ITGA4: variants seen among roughly 807,000 people sequenced by gnomAD.
ITGA4 encodes integrin alpha-4.
Under a neutral mutation model 133.6 loss-of-function variants are expected in ITGA4, and 63 were observed. The observed-to-expected ratio is 0.47, with a 90% CI of 0.38 to 0.58. The LOEUF (loss-of-function observed/expected upper bound fraction) is 0.58, where lower values mean the gene tolerates loss of function less well. Among genes scored for constraint, ITGA4 ranks in the 20% least tolerant of loss-of-function variants. The probability of loss-of-function intolerance (pLI) is 0.00; values close to 1 mark genes in which losing one functional copy is unlikely to be tolerated. For synonymous variants in ITGA4, 483 were observed against 438.0 expected (o/e 1.10, Z -1.28); for missense variants, 1,076 against 1,252.7 (o/e 0.86, Z 2.13).
chr2:181,500,868 G>GA (rs1384268702), intron 15 of ITGA4, among the ~76,000 whole-genome samples: 9 of 151,892 alleles, frequency 5.9e-5, no homozygotes, highest in Non-Finnish European at 1.2e-4. Context: ...ACTGGGGTGA[G>GA]AAAAAAATAA....
Position 181,537,162 on chromosome 2 carries a change from T to C in ITGA4, c.*1635T>C, listed in dbSNP as rs1188628866. 1 of 453,968 alleles carries C rather than the reference T, an allele frequency of 2.2e-6. No individual in the cohort carries two copies. 28.1% of individuals were successfully genotyped at this position (453,968 alleles called of 1,614,324 possible). On this transcript the variant is annotated 3_prime_UTR_variant, in exon 28 of 28. Coordinates refer to ENST00000397033, the MANE Select transcript of ITGA4 (RefSeq NM_000885.6). ...ATCGTTATAAAAAGGCTAGTCATTC[T>C]TTCAGGAGAACATCTAGGATCATAG...
intron 21 of ITGA4, among the ~76,000 whole-genome samples, chr2:181,526,233 T>C (rs564554930): frequency 6.6e-6 from 1 of 152,330 alleles, no homozygotes; most frequent in Non-Finnish European, 1.5e-5. Flanking sequence ...TCAGTGTTTA[T>C]CTTGCCACTC....
At chr2:181,519,063 A>G (rs931747896) in intron 17 of ITGA4, among the ~76,000 whole-genome samples, 15 of 152,098 alleles carry the variant, frequency 9.9e-5, no homozygotes, top group African/African-American at 3.1e-4. Flanking sequence ...GAAATTGTCA[A>G]AAGTCCCATG....
intron 17 of ITGA4, among the ~76,000 whole-genome samples, chr2:181,517,888 A>G (rs2105761980): frequency 6.6e-6 from 1 of 152,172 alleles, no homozygotes; most frequent in South Asian, 2.1e-4. Flanking sequence ...CTTCTTTCCC[A>G]AAGGTGTTCA....
At chr2:181,498,550 T>A in intron 14 of ITGA4, 73 bp from the exon 15 acceptor site, 1 of 911,674 alleles carries the variant, frequency 1.1e-6, no homozygotes, top group Non-Finnish European at 1.7e-6. Flanking sequence ...TAACTTTAAC[T>A]ATTATCACTT....
intron 4 of ITGA4, among the ~76,000 whole-genome samples, chr2:181,476,552 C>A (rs1391597783): frequency 6.6e-6 from 1 of 152,096 alleles, no homozygotes; most frequent in East Asian, 1.9e-4. Flanking sequence ...CAAAGCTTTG[C>A]CCCCTTAGAA....
In ITGA4 at chr2:181,535,616, T is replaced by G; in HGVS notation, c.*89T>G. 4.1e-6 allele frequency: 6 copies of G among 1,460,084 alleles called. No individual in the cohort carries two copies. Among genetic ancestry groups the G allele is most frequent in the Non-Finnish European group, 5.5e-6 (6 of 1,097,390 alleles). 90.4% of individuals were successfully genotyped at this position (1,460,084 alleles called of 1,614,324 possible). A position where few individuals can be genotyped will look rare whatever the true frequency, so the allele number is the denominator to read the frequency against. On this transcript the variant is annotated 3_prime_UTR_variant, in exon 28 of 28. Coordinates refer to ENST00000397033, the MANE Select transcript of ITGA4 (RefSeq NM_000885.6). Reference sequence around the variant, plus strand: ...CACTGTTTACAAGAAAAAATGAATTTTGTTTGGACTTCTTTTACTCATGAT... The same window carrying G: ...CACTGTTTACAAGAAAAAATGAATTGTGTTTGGACTTCTTTTACTCATGAT...
chr2:181,504,391 C>T lies in ITGA4; in HGVS notation c.1696-5267C>T, dbSNP rs190334451. On this transcript the variant is annotated intron_variant, in intron 15 of 27. Coordinates refer to ENST00000397033, the MANE Select transcript of ITGA4 (RefSeq NM_000885.6). ...TTTTTCCATAGTAGTTTCAGGAAAACGTGTATTTGATTAGTAAATACATTT... is the reference window on the plus strand; with the variant it reads ...TTTTTCCATAGTAGTTTCAGGAAAATGTGTATTTGATTAGTAAATACATTT... Among the ~76,000 whole-genome samples the T allele has an allele frequency of 3.8e-4, 58 of 152,094 alleles. 1 individual carries two copies. The East Asian group carries it at 9.1e-3, about 24-fold the overall frequency.
chr2:181,531,360 C>G (rs189688542), intron 24 of ITGA4, among the ~76,000 whole-genome samples: 6 of 152,184 alleles, frequency 3.9e-5, no homozygotes, highest in African/African-American at 1.4e-4. Context: ...CGTAACTTAG[C>G]AAGACTCTGA....
At chr2:181,473,051 A>G (rs1685592982) in intron 2 of ITGA4, among the ~76,000 whole-genome samples, 1 of 152,164 alleles carries the variant, frequency 6.6e-6, no homozygotes, top group Admixed American at 6.5e-5. Flanking sequence ...GGGGGTTGCC[A>G]TTTATTCTAT....
chr2:181,487,986 CTA>C (rs1298091852), intron 10 of ITGA4, among the ~76,000 whole-genome samples: 1 of 152,132 alleles, frequency 6.6e-6, no homozygotes, highest in African/African-American at 2.4e-5. Flanking sequence ...CTTATTTTGT[CTA>C]TGATTTCTCT....
Position 181,534,259 on chromosome 2 carries a change from T to TGG in ITGA4, c.2785-13_2785-12insGG. 2.0e-6 allele frequency: 3 copies of TGG among 1,527,180 alleles called. No homozygotes were observed. Among genetic ancestry groups the TGG allele is most frequent in the Non-Finnish European group, 2.7e-6 (3 of 1,101,594 alleles). 94.6% of individuals were successfully genotyped at this position (1,527,180 alleles called of 1,614,324 possible). A position where few individuals can be genotyped will look rare whatever the true frequency, so the allele number is the denominator to read the frequency against. On this transcript the variant is annotated splice_polypyrimidine_tract_variant and intron_variant, in intron 25 of 27. Coordinates refer to ENST00000397033, the MANE Select transcript of ITGA4 (RefSeq NM_000885.6). Reference sequence around the variant, plus strand: ...ATAAACCAGGCTATGGTGATCCTTCTTTTATTAAACAGGATGAGACTTCAG... The same window carrying TGG: ...ATAAACCAGGCTATGGTGATCCTTCTGGTTTATTAAACAGGATGAGACTTCAG...
intron 2 of ITGA4, among the ~76,000 whole-genome samples, chr2:181,461,227 T>A (rs1340356466): frequency 6.8e-6 from 1 of 147,488 alleles, no homozygotes; most frequent in Non-Finnish European, 1.5e-5. Context: ...GTGAGAGACG[T>A]TAGGCATGAG....
At position 181,536,543 on chromosome 2, in the gene ITGA4, C is replaced by CTTTACAAGTATAAGTG. The variant is rs145274040; in HGVS notation, c.*1019_*1034dup. 0.59 allele frequency: 92,284 copies of CTTTACAAGTATAAGTG among 156,598 alleles called. 27,688 individuals carry two copies. The highest frequency in any genetic ancestry group is 0.82 in the South Asian group (4,275 of 5,210). The allele number at this position is 156,598 out of a possible 1,614,324, so 9.7% of individuals were successfully genotyped here. The stretch of plus-strand genomic sequence containing the variant: ...TCCTTGGATGTAATTCTTTGTTACC[C>CTTTACAAGTATAAGTG]TTTACAAGTATAAGTGTTACCTTAC... On this transcript the variant is annotated 3_prime_UTR_variant, in exon 28 of 28. Coordinates refer to ENST00000397033, the MANE Select transcript of ITGA4 (RefSeq NM_000885.6).
At chr2:181,493,748 G>A (rs542301546) in intron 11 of ITGA4, among the ~76,000 whole-genome samples, 3 of 152,174 alleles carry the variant, frequency 2.0e-5, no homozygotes, top group Non-Finnish European at 4.4e-5. Flanking sequence ...GATTAACTGT[G>A]TCTTGGCCTT....
At chr2:181,522,588 C>G (rs777019708) in intron 18 of ITGA4, among the ~76,000 whole-genome samples, 5 of 152,286 alleles carry the variant, frequency 3.3e-5, no homozygotes, top group Middle Eastern at 3.4e-3. Context: ...CCTTTACATT[C>G]TCACTGCCGT....
intron 5 of ITGA4, chr2:181,479,603 A>G (rs1224628976): frequency 3.3e-5 from 5 of 152,192 alleles, no homozygotes; most frequent in Non-Finnish European, 1.5e-5. Flanking sequence ...GCTCATTCCA[A>G]TCTTCTCCTA....
Position 181,526,821 on chromosome 2 carries a change from C to CTTTTTTTTTTTTTTTT in ITGA4, c.2340-459_2340-444dup, listed in dbSNP as rs538208494. On this transcript the variant is annotated intron_variant, in intron 21 of 27. Transcript: ENST00000397033. Reference sequence around the variant, plus strand: ...TGTCACCCAGGTCAGAGCACATGGCCTTTTTTTTTTTTTTTTTTTTTTTTT... The same window carrying CTTTTTTTTTTTTTTTT: ...TGTCACCCAGGTCAGAGCACATGGCCTTTTTTTTTTTTTTTTTTTTTTTTTTTTTTTTTTTTTTTTT... 8.6e-3 allele frequency among the ~76,000 whole-genome samples: 351 copies of CTTTTTTTTTTTTTTTT among 40,976 alleles called. 119 individuals carry two copies. Among genetic ancestry groups the CTTTTTTTTTTTTTTTT allele is most frequent in the Non-Finnish European group, 0.013 (237 of 18,332 alleles). The allele number at this position is 40,976 out of a possible 152,430, so 26.9% of individuals were successfully genotyped here.
chr2:181,535,646 T>C lies in ITGA4; in HGVS notation c.*119T>C. 1 of 1,290,046 alleles carries C rather than the reference T, an allele frequency of 7.8e-7. No homozygotes were observed. The highest frequency in any genetic ancestry group is 1.0e-6 in the Non-Finnish European group (1 of 955,798). 79.9% of individuals were successfully genotyped at this position (1,290,046 alleles called of 1,614,324 possible). On this transcript the variant is annotated 3_prime_UTR_variant, in exon 28 of 28. Coordinates refer to ENST00000397033, the MANE Select transcript of ITGA4 (RefSeq NM_000885.6). ...TGGACTTCTTTTACTCATGATCTTG[T>C]GACATATTATGTCTTCATGCAAGGG...
Sources: allele counts gnomAD v4.1 joint callset (sites outside exome capture counted in the v4.1 genomes callset), GRCh38; gene constraint gnomAD v4.1.1; transcripts MANE v1.5; gene names NCBI Gene and HGNC (gene_info 2026-07-23, HGNC 2026-07-21).